MACF1: variants seen among roughly 807,000 people sequenced by gnomAD.
The protein encoded by MACF1 is microtubule-actin cross-linking factor 1.
A neutral mutation model predicts 854.8 loss-of-function variants in MACF1; 193 were observed. The ratio of observed to expected loss-of-function variants is 0.23; its 90% CI spans 0.20 to 0.25. The LOEUF (loss-of-function observed/expected upper bound fraction) is 0.25. Ranked by LOEUF, MACF1 falls within the 10% of genes least tolerant of loss-of-function variation. The pLI, the probability that MACF1 is intolerant of heterozygous loss-of-function variation, is 1.00. For synonymous variants in MACF1, 3,185 were observed against 3,226.7 expected (o/e 0.99, Z 0.44); for missense variants, 7,722 against 8,929.1 (o/e 0.86, Z 5.45).
intron 94 of MACF1, 27 bp downstream of exon 94, chr1:39,463,713 G>T (rs574727065): frequency 6.3e-7 from 1 of 1,598,498 alleles, no homozygotes; most frequent in African/African-American, 1.3e-5. Flanking sequence ...GCAGTCCTTT[G>T]TTGTGGTGGT....
intron 2 of MACF1, among the ~76,000 whole-genome samples, chr1:39,087,140 G>C (rs1038963284): frequency 6.6e-6 from 1 of 152,242 alleles, no homozygotes; most frequent in African/African-American, 2.4e-5. Context: ...ATGTCTGGGA[G>C]ACCCTGGATG....
intron 2 of MACF1, among the ~76,000 whole-genome samples, chr1:39,154,542 G>A (rs1643644655): frequency 1.3e-5 from 2 of 152,082 alleles, no homozygotes. Flanking sequence ...ATTATGGAAG[G>A]TGTTGATTTC....
chr1:39,322,723 G>A lies in MACF1; in HGVS notation c.4137+8G>A. On this transcript the variant is annotated splice_region_variant and intron_variant, in intron 32 of 100. Transcript: ENST00000564288. Reference sequence around the variant, plus strand: ...GATGCCATCACTCAAGAGGTGAGAGGGTGGGGGAAGGAAATACACCACTGT... The same window carrying A: ...GATGCCATCACTCAAGAGGTGAGAGAGTGGGGGAAGGAAATACACCACTGT... 1 of 1,612,956 alleles carries A rather than the reference G, an allele frequency of 6.2e-7. No individual in the cohort carries two copies. The highest frequency in any genetic ancestry group is 8.5e-7 in the Non-Finnish European group (1 of 1,179,004).
chr1:39,466,408 A>G (rs1644668116), intron 95 of MACF1, among the ~76,000 whole-genome samples: 1 of 152,224 alleles, frequency 6.6e-6, no homozygotes, highest in African/African-American at 2.4e-5. Context: ...ACAAGTTAGA[A>G]TCTTTCAAAG....
In MACF1 at chr1:39,385,665, G is replaced by A; in HGVS notation, c.14080G>A (p.Asp4694Asn). 2 of 1,614,140 alleles carry A rather than the reference G, an allele frequency of 1.2e-6. No homozygotes were observed. The highest frequency in any genetic ancestry group is 1.7e-6 in the Non-Finnish European group (2 of 1,180,026). Residue 4694 changes from aspartate to asparagine, a missense_variant, in exon 57 of 101, where the codon GAC becomes AAC. By Grantham distance (23) the Asp-to-Asn change is conservative. This residue lies in a region of MACF1 where 2,807 missense variants were observed against 3,235.8 expected (regional missense o/e 0.87). Transcript: ENST00000564288. ...CACCCAGTACCAGGAACTGCTCCAG[G>A]ACTTATCAGAGAAGGTGAGGGCAGT... ...KSTQYQELLQ[D>N]LSEKVRAVGQ...
At chr1:39,101,912 C>T (rs1449199589) in intron 2 of MACF1, among the ~76,000 whole-genome samples, 2 of 151,230 alleles carry the variant, frequency 1.3e-5, no homozygotes, top group African/African-American at 2.4e-5. Context: ...CGCGGTGGCT[C>T]GCGCCTGTAA....
intron 2 of MACF1, chr1:39,103,058 T>C (rs1030596841): frequency 4.5e-6 from 3 of 666,270 alleles, no homozygotes; most frequent in Non-Finnish European, 8.2e-6. Flanking sequence ...TAAATGCAAA[T>C]TTTGTCAAGA....
chr1:39,422,724 A>T lies in MACF1; in HGVS notation c.15979-6A>T. On this transcript the variant is annotated splice_polypyrimidine_tract_variant and splice_region_variant and intron_variant, in intron 59 of 100. Coordinates refer to ENST00000564288, the MANE Select transcript of MACF1 (RefSeq NM_001394062.1). ...CTCATAATGAACCTACATGTTCATG[A>T]TACAGGTCGCACAAAGAATTGCACA... 2.5e-6 allele frequency: 4 copies of T among 1,613,700 alleles called. No homozygotes were observed. The highest frequency in any genetic ancestry group is 3.4e-6 in the Non-Finnish European group (4 of 1,179,580).
Position 39,370,156 on chromosome 1 carries a change from A to G in MACF1, c.13065A>G (p.Lys4355=). 1.9e-6 allele frequency: 3 copies of G among 1,613,410 alleles called. No individual in the cohort carries two copies. Among genetic ancestry groups the G allele is most frequent in the Non-Finnish European group, 1.7e-6 (2 of 1,179,772 alleles). Residue 4355 remains lysine (K), a synonymous_variant, in exon 51 of 101, where the codon AAA becomes AAG. Coordinates refer to ENST00000564288, the MANE Select transcript of MACF1 (RefSeq NM_001394062.1). ...IPPTETSMSA[K]ELEKQIEHLK... ...CTACGGAAACTTCTATGAGTGCTAA[A>G]GAGTTAGAAAAGCAGATTGAACACC...
chr1:39,485,433 A>G, intron 100 of MACF1, 105 bp from the exon 101 acceptor site: 1 of 1,285,304 alleles, frequency 7.8e-7, no homozygotes, highest in Middle Eastern at 2.1e-4. Context: ...AAAGGCTGTG[A>G]GATTTGCTTA....
intron 47 of MACF1, 120 bp downstream of exon 47, chr1:39,359,384 A>G: frequency 1.8e-6 from 2 of 1,136,408 alleles, no homozygotes; most frequent in African/African-American, 3.1e-5. Context: ...CTGAGAATAT[A>G]AACATGAATA....
chr1:39,166,494 T>C (rs1198791369), intron 2 of MACF1, among the ~76,000 whole-genome samples: 2 of 151,626 alleles, frequency 1.3e-5, no homozygotes, highest in Non-Finnish European at 2.9e-5. Context: ...TTCGCTCTTA[T>C]TGCCCAGGCT....
Position 39,268,950 on chromosome 1 carries a change from C to G in MACF1, c.528+10922C>G, listed in dbSNP as rs77542466. The G allele has an allele frequency of 2.6e-5, 34 of 1,286,862 alleles. No homozygotes were observed. In the African/African-American group the frequency reaches 3.5e-4, roughly 13 times the overall value. The allele number at this position is 1,286,862 out of a possible 1,614,324, so 79.7% of individuals were successfully genotyped here. On this transcript the variant is annotated intron_variant, in intron 6 of 100. Coordinates refer to ENST00000564288, the MANE Select transcript of MACF1 (RefSeq NM_001394062.1). ...AGTGGGAGGGGTAGAGCATACCCCC[C>G]CAGATATTTTGCTGCCTGGGGACTC...
intron 1 of MACF1, among the ~76,000 whole-genome samples, chr1:39,206,164 G>C (rs777504034): frequency 1.3e-5 from 2 of 152,196 alleles, no homozygotes; most frequent in African/African-American, 4.8e-5. Context: ...GTCCTTTCCA[G>C]TACGTCCCAG....
In MACF1 at chr1:39,448,603, A is replaced by G; in HGVS notation, c.20098A>G (p.Lys6700Glu). 6.5e-7 allele frequency: 1 copy of G among 1,526,850 alleles called. No individual in the cohort carries two copies. Among genetic ancestry groups the G allele is most frequent in the Non-Finnish European group, 8.8e-7 (1 of 1,134,384 alleles). The allele number at this position is 1,526,850 out of a possible 1,614,324, so 94.6% of individuals were successfully genotyped here. The stretch of plus-strand genomic sequence containing the variant: ...CTTTCTGGAAACATAGGAGTTTCAG[A>G]AGACTCTTGGTGGCAAGCAGCCTGT... Reference protein sequence around the residue: ...LQLSKHKEFQKTLGGKQPVYD... With the variant: ...LQLSKHKEFQETLGGKQPVYD... The change falls in exon 84 of 101, where the codon AAG becomes GAG. Residue 6700 changes from lysine to glutamate, a missense_variant. Lys to Glu is a moderately conservative substitution (Grantham distance 56). This residue lies in a region of MACF1 where 729 missense variants were observed against 900.5 expected (regional missense o/e 0.81). Coordinates refer to ENST00000564288, the MANE Select transcript of MACF1 (RefSeq NM_001394062.1).
Position 39,382,070 on chromosome 1 carries a change from T to G in MACF1, c.13766T>G (p.Met4589Arg). ...AAESQLRPWLMEKELMMGVLG... is the reference protein window; with the variant it reads ...AAESQLRPWLREKELMMGVLG... ...GAATCCCAGCTCCGGCCGTGGCTGA[T>G]GGAGAAAGAACTGATGATGGGAGTG... Residue 4589 changes from methionine to arginine, a missense_variant, in exon 56 of 101, where the codon ATG (methionine) becomes AGG (arginine). This residue lies in a region of MACF1 where 2,807 missense variants were observed against 3,235.8 expected (regional missense o/e 0.87). Transcript: ENST00000564288. 1 of 1,614,066 alleles carries G rather than the reference T, an allele frequency of 6.2e-7. No homozygotes were observed. The highest frequency in any genetic ancestry group is 1.1e-5 in the South Asian group (1 of 91,078).
Position 39,373,899 on chromosome 1 carries a change from C to T in MACF1, c.13213+1303C>T, listed in dbSNP as rs577990444. The stretch of plus-strand genomic sequence containing the variant: ...CTTCAAAGGGGGTACAAAGATTGTG[C>T]CCAGATGTGTATATAATCTTTCACT... On this transcript the variant is annotated intron_variant, in intron 52 of 100. Transcript: ENST00000564288. 2.0e-5 allele frequency among the ~76,000 whole-genome samples: 3 copies of T among 151,128 alleles called. No homozygotes were observed. The East Asian group carries it at 5.9e-4, about 30-fold the overall frequency.
chr1:39,112,372 C>A lies in MACF1; in HGVS notation c.220+27934C>A, dbSNP rs111239391. Among the ~76,000 whole-genome samples the A allele has an allele frequency of 1.3e-3, 205 of 152,274 alleles. 3 individuals are homozygous for A. Among genetic ancestry groups the A allele is most frequent in the South Asian group, 0.011 (55 of 4,828 alleles). On this transcript the variant is annotated intron_variant, in intron 2 of 93. Coordinates refer to the MACF1 transcript ENST00000361689. ...GTGCTGGGATTACAGGCATGAGCCA[C>A]TGTGCCTGGCCACAGTAAAATCTTT...
intron 80 of MACF1, 93 bp from the exon 81 acceptor site, chr1:39,447,339 T>G: frequency 9.2e-6 from 11 of 1,199,990 alleles, no homozygotes; most frequent in Non-Finnish European, 1.3e-5. Context: ...GTCATTTCAT[T>G]TGTTGTACAA....
Sources: gnomAD v4.1 joint callset for allele counts (sites outside exome capture counted in the v4.1 genomes callset) on GRCh38, gnomAD v4.1.1 for gene constraint, gnomAD v4.1.1 regional missense constraint, MANE v1.5 for transcripts, NCBI Gene and HGNC (gene_info 2026-07-23, HGNC 2026-07-21) for gene names.